Variants in ZFHX3 observed in about 807,000 individuals in gnomAD.
ZFHX3 encodes the protein zinc finger homeobox 3, also known as zinc finger homeobox protein 3.
ZFHX3 carries 42 observed loss-of-function variants against 279.1 expected under a neutral mutation model. That is an observed-to-expected ratio of 0.15 (90% CI 0.12 to 0.19). The LOEUF is 0.19. Among genes scored for constraint, ZFHX3 ranks in the 10% least tolerant of loss-of-function variants. The pLI is 1.00. For synonymous variants in ZFHX3, 2,293 were observed against 1,957.8 expected (o/e 1.17, Z -4.52); for missense variants, 4,981 against 4,754.0 (o/e 1.05, Z -1.40).
intron 1 of ZFHX3, among the ~76,000 whole-genome samples, chr16:73,777,076 G>C (rs1959273662): frequency 6.6e-6 from 1 of 152,124 alleles, no homozygotes; most frequent in Non-Finnish European, 1.5e-5. Context: ...ACCACGCTTT[G>C]TAAGAAGGAA....
intron 3 of ZFHX3, among the ~76,000 whole-genome samples, chr16:73,423,897 T>C (rs2017764102): frequency 6.6e-6 from 1 of 150,876 alleles, no homozygotes; most frequent in East Asian, 1.9e-4. Flanking sequence ...GATCTAGAAA[T>C]TGATGCTTCC....
At chr16:73,314,531 C>T (rs2015400185) in intron 4 of ZFHX3, among the ~76,000 whole-genome samples, 1 of 152,188 alleles carries the variant, frequency 6.6e-6, no homozygotes, top group Non-Finnish European at 1.5e-5. Flanking sequence ...CCACTGGGCT[C>T]TGTAGTCCGT....
At chr16:73,558,709 CTTTTT>C (rs989644068) in intron 2 of ZFHX3, among the ~76,000 whole-genome samples, 5 of 90,500 alleles carry the variant, frequency 5.5e-5, no homozygotes, top group Admixed American at 4.0e-4. Context: ...GAAAATGACT[CTTTTT>C]TTTTTTTTTT....
intron 3 of ZFHX3, among the ~76,000 whole-genome samples, chr16:72,914,507 G>C (rs1027935062): frequency 6.6e-6 from 1 of 152,188 alleles, no homozygotes; most frequent in African/African-American, 2.4e-5. Context: ...TCAGCAGGCA[G>C]ACTTGGGGGA....
upstream of ZFHX3, among the ~76,000 whole-genome samples, chr16:73,048,579 G>C (rs1021949746): frequency 3.9e-5 from 6 of 152,314 alleles, no homozygotes; most frequent in Non-Finnish European, 5.9e-5. Flanking sequence ...GCCTAGAATC[G>C]GGCGAGAAGA....
chr16:73,843,773 T>C (rs1471539352), intron 1 of ZFHX3, among the ~76,000 whole-genome samples: 1 of 151,984 alleles, frequency 6.6e-6, no homozygotes, highest in Non-Finnish European at 1.5e-5. Context: ...ACAGGAAAAA[T>C]TTTAGGCTTT....
At chr16:72,792,157 AGAG>A (rs1414318965) in intron 9 of ZFHX3, among the ~76,000 whole-genome samples, 1 of 152,204 alleles carries the variant, frequency 6.6e-6, no homozygotes, top group African/African-American at 2.4e-5. Context: ...AGGAGAAACA[AGAG>A]AAGTATGTAG....
At chr16:73,227,627 T>C (rs1176401306) in intron 5 of ZFHX3, among the ~76,000 whole-genome samples, 1 of 151,968 alleles carries the variant, frequency 6.6e-6, no homozygotes, top group South Asian at 2.1e-4. Context: ...GGCAGGTGGA[T>C]TGATTGAGCT....
chr16:73,170,383 A>T (rs1185351711), intron 5 of ZFHX3, among the ~76,000 whole-genome samples: 1 of 151,666 alleles, frequency 6.6e-6, no homozygotes, highest in Non-Finnish European at 1.5e-5. Context: ...GTCACATGTC[A>T]CCAGACCCAG....
At chr16:73,878,456 G>A (rs1187787157) in intron 1 of ZFHX3, among the ~76,000 whole-genome samples, 1 of 152,026 alleles carries the variant, frequency 6.6e-6, no homozygotes, top group Admixed American at 6.6e-5. Flanking sequence ...TCTTCACAAC[G>A]ACACTAAAAT....
At chr16:73,113,398 T>A (rs1226562268) in intron 7 of ZFHX3, among the ~76,000 whole-genome samples, 1 of 152,224 alleles carries the variant, frequency 6.6e-6, no homozygotes, top group African/African-American at 2.4e-5. Flanking sequence ...CAAAAATTCC[T>A]GCCAGCTTTC....
chr16:73,686,032 G>A (rs948471407), intron 1 of ZFHX3, among the ~76,000 whole-genome samples: 8 of 152,130 alleles, frequency 5.3e-5, no homozygotes, highest in Admixed American at 1.3e-4. Context: ...GAACTTCTCC[G>A]AATCTTCAAC....
intron 3 of ZFHX3, among the ~76,000 whole-genome samples, chr16:73,438,353 G>T (rs998809511): frequency 1.3e-5 from 2 of 152,188 alleles, no homozygotes; most frequent in African/African-American, 4.8e-5. Flanking sequence ...TGCTGATAAT[G>T]CAGTCACTGG....
At chr16:73,003,400 A>G (rs2144601907) in intron 1 of ZFHX3, among the ~76,000 whole-genome samples, 1 of 151,766 alleles carries the variant, frequency 6.6e-6, no homozygotes, top group South Asian at 2.1e-4. Flanking sequence ...AGGATAATAC[A>G]TTTTTTGCTA....
intron 1 of ZFHX3, among the ~76,000 whole-genome samples, chr16:73,860,102 AAAG>A (rs138497896): frequency 2.0e-5 from 3 of 152,354 alleles, no homozygotes; most frequent in Admixed American, 6.5e-5. Flanking sequence ...ACACAATAGC[AAAG>A]AAGAACCATT....
At chr16:73,193,071 A>G (rs1412994858) in intron 5 of ZFHX3, among the ~76,000 whole-genome samples, 2 of 152,364 alleles carry the variant, frequency 1.3e-5, no homozygotes, top group East Asian at 3.9e-4. Flanking sequence ...ACAGGCTCAC[A>G]AACAAAAATG....
At chr16:73,330,800 A>G (rs1829149390) in intron 3 of ZFHX3, among the ~76,000 whole-genome samples, 2 of 152,222 alleles carry the variant, frequency 1.3e-5, no homozygotes, top group African/African-American at 4.8e-5. Flanking sequence ...TAGGCTTAAG[A>G]CATGATGATT....
chr16:73,743,098 A>T (rs2053673746), intron 1 of ZFHX3, among the ~76,000 whole-genome samples: 1 of 152,184 alleles, frequency 6.6e-6, no homozygotes, highest in African/African-American at 2.4e-5. Context: ...ATTTTCATTT[A>T]CTGAATTTTT....
intron 2 of ZFHX3, among the ~76,000 whole-genome samples, chr16:73,462,004 G>T (rs578119035): frequency 6.6e-6 from 1 of 152,274 alleles, no homozygotes; most frequent in Non-Finnish European, 1.5e-5. Flanking sequence ...AACATTGAAT[G>T]TCTCTCCATT....
Sources: gnomAD v4.1 joint callset for allele counts (sites outside exome capture counted in the v4.1 genomes callset) on GRCh38, gnomAD v4.1.1 for gene constraint, MANE v1.5 for transcripts, NCBI Gene and HGNC (gene_info 2026-07-23, HGNC 2026-07-21) for gene names.